STOX2: variants seen among roughly 807,000 people sequenced by gnomAD.
STOX2 encodes storkhead box 2.
A neutral mutation model predicts 60.9 loss-of-function variants in STOX2; 28 were observed. The ratio of observed to expected loss-of-function variants is 0.46; its 90% CI spans 0.34 to 0.63. STOX2 has a LOEUF of 0.63. STOX2 is among the 30% of genes least tolerant of loss of function. The pLI is 0.01. For synonymous variants in STOX2, 472 were observed against 463.9 expected (o/e 1.02, Z -0.22); for missense variants, 1,024 against 1,187.7 (o/e 0.86, Z 2.03).
At chr4:183,887,026 A>T (rs1442717884) in intron 1 of STOX2, among the ~76,000 whole-genome samples, 1 of 152,174 alleles carries the variant, frequency 6.6e-6, no homozygotes, top group Non-Finnish European at 1.5e-5. Flanking sequence ...TGGGAGGCTG[A>T]AGCAGGAGGT....
intron 1 of STOX2, among the ~76,000 whole-genome samples, chr4:183,839,348 T>C (rs1360196453): frequency 6.6e-6 from 1 of 152,168 alleles, no homozygotes; most frequent in African/African-American, 2.4e-5. Flanking sequence ...AAGTTGGCAA[T>C]AAAATTAACC....
At chr4:183,812,639 A>T (rs1739061810) in intron 1 of STOX2, among the ~76,000 whole-genome samples, 1 of 152,216 alleles carries the variant, frequency 6.6e-6, no homozygotes, top group Non-Finnish European at 1.5e-5. Context: ...GACTTTTCAG[A>T]ATATAAATCT....
Position 183,825,866 on chromosome 4 carries a change from G to A in STOX2, c.364+27811G>A, listed in dbSNP as rs1385654394. ...GTTTGGGGAAGTTTAGTCTGGGAAC[G>A]AGTATGGCAGTCAGTTTGGCAAATG... On this transcript the variant is annotated intron_variant, in intron 1 of 2. Coordinates refer to the STOX2 transcript ENST00000513034. This position sits in a 1 kb window ranked among gnomAD's most constrained non-coding sequence, Gnocchi z 4.1. Among the ~76,000 whole-genome samples, 2 of 152,174 alleles carry A rather than the reference G, an allele frequency of 1.3e-5. No individual in the cohort carries two copies. Among genetic ancestry groups the A allele is most frequent in the East Asian group, 1.9e-4 (1 of 5,196 alleles).
intron 1 of STOX2, among the ~76,000 whole-genome samples, chr4:183,798,399 C>T (rs1055952275): frequency 3.3e-5 from 5 of 151,356 alleles, no homozygotes; most frequent in Non-Finnish European, 5.9e-5. Context: ...TGAGTGTCCC[C>T]CTCCCGGCAC....
At chr4:183,888,468 C>T (rs1334825470) in intron 1 of STOX2, among the ~76,000 whole-genome samples, 2 of 152,298 alleles carry the variant, frequency 1.3e-5, no homozygotes, top group East Asian at 3.9e-4. Context: ...GTACTCTGTA[C>T]CTCTCTGGCA....
upstream of STOX2, among the ~76,000 whole-genome samples, chr4:183,903,939 T>A (rs10017668): frequency 0.81 from 122,650 of 152,102 alleles, 51,035 homozygotes; most frequent in East Asian, 0.94. Context: ...CATTGTAATA[T>A]ATAATGAAAT....
At chr4:183,881,469 T>TGGCG (rs879421576) in intron 1 of STOX2, among the ~76,000 whole-genome samples, 13 of 152,158 alleles carry the variant, frequency 8.5e-5, no homozygotes, top group Non-Finnish European at 1.9e-4. Context: ...ACCACTGCAC[T>TGGCG]TCAGCCTGGC....
At chr4:183,875,875 G>T (rs1460101829) in intron 1 of STOX2, among the ~76,000 whole-genome samples, 2 of 152,136 alleles carry the variant, frequency 1.3e-5, no homozygotes. Flanking sequence ...ATGCCACCAC[G>T]CTGGGCTAAT....
chr4:183,930,122 C>T (rs554222667), intron 1 of STOX2, among the ~76,000 whole-genome samples: 11 of 151,922 alleles, frequency 7.2e-5, no homozygotes, highest in Non-Finnish European at 2.9e-5. Context: ...CCTCGGCCTC[C>T]CAAAGTGCTG....
At chr4:183,928,805 C>T (rs573715487) in intron 1 of STOX2, among the ~76,000 whole-genome samples, 2 of 150,984 alleles carry the variant, frequency 1.3e-5, no homozygotes, top group South Asian at 4.2e-4. Flanking sequence ...GACTCCATCT[C>T]AGGAAAAAAC....
At chr4:183,801,094 A>T (rs1738754789) in intron 1 of STOX2, among the ~76,000 whole-genome samples, 1 of 152,234 alleles carries the variant, frequency 6.6e-6, no homozygotes, top group Non-Finnish European at 1.5e-5. Context: ...GTTCTAACCA[A>T]CTGTAAAACT....
At position 183,968,687 on chromosome 4, in the gene STOX2, G is replaced by T. The variant is rs190202555; in HGVS notation, c.167-32638G>T. ...CGGACCACTTTGTGGCCCAAGCCAA[G>T]TTATCAAAAGGATCTTTGTTGCCAG... On this transcript the variant is annotated intron_variant, in intron 1 of 3. Coordinates refer to ENST00000308497, the MANE Select transcript of STOX2 (RefSeq NM_020225.3). Among the ~76,000 whole-genome samples the T allele has an allele frequency of 5.7e-5, 8 of 140,944 alleles. No individual in the cohort carries two copies. In the East Asian group the frequency reaches 1.9e-3, roughly 33 times the overall value. 92.5% of individuals were successfully genotyped at this position (140,944 alleles called of 152,430 possible). A position where few individuals can be genotyped will look rare whatever the true frequency, so the allele number is the denominator to read the frequency against.
chr4:183,973,988 G>A (rs1732336720), intron 1 of STOX2, among the ~76,000 whole-genome samples: 1 of 152,112 alleles, frequency 6.6e-6, no homozygotes, highest in South Asian at 2.1e-4. Flanking sequence ...GCAAAACTGT[G>A]TCAAAAAATA....
chr4:183,816,732 G>T (rs1299801960), intron 1 of STOX2, among the ~76,000 whole-genome samples: 1 of 152,166 alleles, frequency 6.6e-6, no homozygotes. Context: ...ACATGAGATG[G>T]AATGGAACTG....
intron 1 of STOX2, among the ~76,000 whole-genome samples, chr4:183,948,540 CT>C (rs10687778): frequency 0.078 from 6,038 of 77,896 alleles, 389 homozygotes; most frequent in African/African-American, 0.26. Context: ...ATGCCTTATC[CT>C]TTTTTTTTTT....
At chr4:184,016,362 A>G (rs1734374879) in intron 3 of STOX2, 1 of 152,578 alleles carries the variant, frequency 6.6e-6, no homozygotes, top group African/African-American at 2.4e-5. Context: ...CCTTGACTCC[A>G]AAAACAAAAC....
Position 183,944,040 on chromosome 4 carries a change from C to T in STOX2, c.166+37084C>T, listed in dbSNP as rs534887991. On this transcript the variant is annotated intron_variant, in intron 1 of 3. Coordinates refer to ENST00000308497, the MANE Select transcript of STOX2 (RefSeq NM_020225.3). ...CCCATGGCTCAGTACAGAAGACAGA[C>T]AGACAAATGCAAGAGAATACATTCT... 3.3e-5 allele frequency among the ~76,000 whole-genome samples: 5 copies of T among 152,300 alleles called. No homozygotes were observed. The East Asian group carries it at 9.7e-4, about 29-fold the overall frequency.
rs753072558 is a variant in STOX2, at chr4:184,010,540, A to G, written c.1702A>G (p.Ser568Gly). The G allele has an allele frequency of 2.5e-6, 4 of 1,613,820 alleles. No homozygotes were observed. The South Asian group carries it at 4.4e-5, about 18-fold the overall frequency. ...AGTCAGTGGCAGCAAGGAACCGTCC[A>G]GCGCTTGCAGCCTTTTGGAGCCAGG... ...EIVSGSKEPS[S>G]ACSLLEPGKP... The change falls in exon 3 of 4, where the codon AGC becomes GGC. Residue 568 changes from serine to glycine, a missense_variant. This residue lies in a region of STOX2 where 922 missense variants were observed against 1,058.3 expected (regional missense o/e 0.87). Coordinates refer to ENST00000308497, the MANE Select transcript of STOX2 (RefSeq NM_020225.3). The surrounding 1 kb of genome is among the most constrained non-coding windows in gnomAD (Gnocchi z 4.5).
intron 1 of STOX2, among the ~76,000 whole-genome samples, chr4:183,847,369 C>G (rs1186546176): frequency 6.6e-6 from 1 of 152,084 alleles, no homozygotes; most frequent in African/African-American, 2.4e-5. Context: ...GTTGTTTGCC[C>G]CAATTTGTAT....
Sources: gnomAD v4.1 joint callset for allele counts (sites outside exome capture counted in the v4.1 genomes callset) on GRCh38, gnomAD v4.1.1 for gene constraint, gnomAD v4.1.1 regional missense constraint, Gnocchi (gnomAD v3.1) non-coding constraint, MANE v1.5 for transcripts, NCBI Gene and HGNC (gene_info 2026-07-23, HGNC 2026-07-21) for gene names.